The following ZFPM2 variants were observed in gnomAD, a reference collection of about 807,000 sequenced individuals.
ZFPM2 encodes the protein zinc finger protein, FOG family member 2.
ZFPM2 carries 20 observed loss-of-function variants against 98.6 expected under a neutral mutation model. That is an observed-to-expected ratio of 0.20 (90% CI 0.14 to 0.29). The LOEUF is 0.29. ZFPM2 is among the 10% of genes least tolerant of loss of function. The pLI is 1.00. For synonymous variants in ZFPM2, 518 were observed against 502.7 expected, an observed-to-expected ratio of 1.03 and a Z score of -0.41; for missense variants, 1,310 against 1,388.6, an observed-to-expected ratio of 0.94 and a Z score of 0.90.
chr8:105,572,872 G>T (rs1172751751), intron 4 of ZFPM2, among the ~76,000 whole-genome samples: 1 of 152,106 alleles, frequency 6.6e-6, no homozygotes, highest in Non-Finnish European at 1.5e-5. Flanking sequence ...AATAATTTCA[G>T]CGTCTTCTGT....
intron 4 of ZFPM2, among the ~76,000 whole-genome samples, chr8:105,604,585 T>C (rs1816158161): frequency 6.6e-6 from 1 of 152,050 alleles, no homozygotes; most frequent in African/African-American, 2.4e-5. Flanking sequence ...GCTGACTTCA[T>C]CACGACCACA....
At chr8:105,435,718 T>C (rs1485865455) in intron 2 of ZFPM2, among the ~76,000 whole-genome samples, 1 of 152,126 alleles carries the variant, frequency 6.6e-6, no homozygotes, top group African/African-American at 2.4e-5. Flanking sequence ...AGGAAGAAGC[T>C]TGGGTTAATA....
At chr8:105,545,841 A>ATT (rs951335495) in intron 3 of ZFPM2, among the ~76,000 whole-genome samples, 23 of 151,650 alleles carry the variant, frequency 1.5e-4, no homozygotes, top group African/African-American at 5.1e-4. Context: ...TTGTGCAAGT[A>ATT]TTTTTTTTTA....
At chr8:105,707,731 A>G (rs903362615) in intron 5 of ZFPM2, among the ~76,000 whole-genome samples, 3 of 152,204 alleles carry the variant, frequency 2.0e-5, no homozygotes, top group African/African-American at 4.8e-5. Flanking sequence ...CACTTTTTCA[A>G]TGAAGGAAAC....
intron 3 of ZFPM2, among the ~76,000 whole-genome samples, chr8:105,468,953 A>G (rs999886503): frequency 4.0e-5 from 6 of 150,680 alleles, no homozygotes; most frequent in African/African-American, 1.5e-4. Context: ...TACTCTGCTG[A>G]ATACAAAGCA....
At chr8:105,723,042 T>C (rs1182656565) in intron 5 of ZFPM2, among the ~76,000 whole-genome samples, 1 of 151,918 alleles carries the variant, frequency 6.6e-6, no homozygotes, top group African/African-American at 2.4e-5. Flanking sequence ...CGTCTGGCAT[T>C]GGCTCAGAAA....
intron 3 of ZFPM2, among the ~76,000 whole-genome samples, chr8:105,551,613 AT>A (rs1586457069): frequency 6.6e-6 from 1 of 152,070 alleles, no homozygotes; most frequent in Admixed American, 6.6e-5. Flanking sequence ...TAATGCTTTT[AT>A]TTTTCCCTTG....
At chr8:105,366,630 T>G (rs1810517784) in intron 1 of ZFPM2, among the ~76,000 whole-genome samples, 1 of 151,444 alleles carries the variant, frequency 6.6e-6, no homozygotes, top group Non-Finnish European at 1.5e-5. Context: ...TAACTCGTCA[T>G]CTAGCATTAG....
chr8:105,337,379 A>C (rs1203081176), intron 1 of ZFPM2, among the ~76,000 whole-genome samples: 1 of 151,822 alleles, frequency 6.6e-6, no homozygotes, highest in African/African-American at 2.4e-5. Context: ...GAAGAAATAA[A>C]ATTTCACAAG....
rs1396001192 is a variant in ZFPM2 at position 105,522,071 on chromosome 8, A to G, written c.302-39292A>G. On this transcript the variant is annotated intron_variant, in intron 3 of 7. Transcript: ENST00000407775. ...TAAGTATTTGGTGTGTAATAAATGC[A>G]TATGAAAGTCATAAATTAGAATGAA... Among the ~76,000 whole-genome samples the G allele has an allele frequency of 6.6e-5, 10 of 152,346 alleles. No homozygotes were observed. The South Asian group carries it at 1.9e-3, about 28-fold the overall frequency.
At chr8:105,539,694 A>G (rs1325487271) in intron 3 of ZFPM2, among the ~76,000 whole-genome samples, 1 of 152,146 alleles carries the variant, frequency 6.6e-6, no homozygotes, top group Non-Finnish European at 1.5e-5. Context: ...TTTTATTGCA[A>G]AGTTATAATT....
intron 1 of ZFPM2, among the ~76,000 whole-genome samples, chr8:105,417,414 G>A (rs530008798): frequency 6.6e-6 from 1 of 151,986 alleles, no homozygotes; most frequent in African/African-American, 2.4e-5. Context: ...TAAAAAAATA[G>A]AAAGTGCTTT....
intron 1 of ZFPM2, among the ~76,000 whole-genome samples, chr8:105,331,072 A>T (rs1439219812): frequency 1.3e-5 from 2 of 148,794 alleles, no homozygotes; most frequent in East Asian, 2.0e-4. Context: ...TTCATGTTCA[A>T]CCCTTTTCTC....
intron 5 of ZFPM2, among the ~76,000 whole-genome samples, chr8:105,694,659 T>G (rs1346653312): frequency 6.6e-6 from 1 of 152,330 alleles, no homozygotes; most frequent in South Asian, 2.1e-4. Flanking sequence ...GCAAATGGTT[T>G]AAATTACTCA....
chr8:105,335,745 A>C (rs1286643425), intron 1 of ZFPM2, among the ~76,000 whole-genome samples: 1 of 151,808 alleles, frequency 6.6e-6, no homozygotes, highest in Non-Finnish European at 1.5e-5. Flanking sequence ...GAAGATGATC[A>C]AGTTAGAACT....
chr8:105,801,547 G>T lies in ZFPM2; in HGVS notation c.1465G>T (p.Gly489Trp). 6.2e-7 allele frequency: 1 copy of T among 1,613,760 alleles called. No individual in the cohort carries two copies. The highest frequency in any genetic ancestry group is 8.5e-7 in the Non-Finnish European group (1 of 1,179,844). Residue 489 changes from glycine (G) to tryptophan (W), a missense_variant, in exon 8 of 8, where the codon GGG becomes TGG. By Grantham distance (184) the Gly-to-Trp change is radical. Transcript: ENST00000407775. Reference sequence around the variant, plus strand: ...CTCATCTCCAGTTCAGCCTAATATTGGGCCTTCTTTCCCTGTGGGCCCTTT... The same window carrying T: ...CTCATCTCCAGTTCAGCCTAATATTTGGCCTTCTTTCCCTGTGGGCCCTTT... Reference protein sequence around the residue: ...LASSPVQPNIGPSFPVGPFLS... With the variant: ...LASSPVQPNIWPSFPVGPFLS...
chr8:105,384,403 T>G (rs2129895208), intron 1 of ZFPM2, among the ~76,000 whole-genome samples: 1 of 152,160 alleles, frequency 6.6e-6, no homozygotes, highest in South Asian at 2.1e-4. Flanking sequence ...TCACCCTTTC[T>G]TCCCCTCAGT....
intron 3 of ZFPM2, among the ~76,000 whole-genome samples, chr8:105,553,471 C>T (rs1440120164): frequency 6.6e-6 from 1 of 152,112 alleles, no homozygotes; most frequent in East Asian, 1.9e-4. Flanking sequence ...GGTTTTAGAC[C>T]ATTCCAGTGT....
chr8:105,695,332 T>C (rs1170124251), intron 5 of ZFPM2, among the ~76,000 whole-genome samples: 1 of 151,560 alleles, frequency 6.6e-6, no homozygotes, highest in Non-Finnish European at 1.5e-5. Context: ...ATTAAAGCCC[T>C]GTCTATATTA....
Sources: allele counts gnomAD v4.1 joint callset (sites outside exome capture counted in the v4.1 genomes callset), GRCh38; gene constraint gnomAD v4.1.1; transcripts MANE v1.5; gene names NCBI Gene and HGNC (gene_info 2026-07-23, HGNC 2026-07-21).